The following AMER3 variants were observed in gnomAD, a reference collection of about 807,000 sequenced individuals.
AMER3 encodes APC membrane recruitment protein 3.
For missense variants in AMER3, 1,201 were observed against 1,139.4 expected (o/e 1.05, Z -0.78); for synonymous variants, 541 against 485.5 (o/e 1.11, Z -1.50).
At position 130,764,385 on chromosome 2, in the gene AMER3, G is replaced by A. The variant is rs1351698655; in HGVS notation, c.2313G>A (p.Glu771=). 2.5e-6 allele frequency: 4 copies of A among 1,612,838 alleles called. No individual in the cohort carries two copies. In the South Asian group the frequency reaches 3.3e-5, roughly 13 times the overall value. ...GLGVQAWASV[E]DQPLQLSTEA... ...GTGTCCAGGCCTGGGCCTCTGTGGA[G>A]GACCAGCCCTTGCAGCTCAGCACAG... Residue 771 remains glutamate (E), a synonymous_variant, in exon 2 of 2, where the codon GAG becomes GAA. Transcript: ENST00000321420.
rs1420290236 is a variant in AMER3, at chr2:130,766,175, G to A, written c.*1517G>A. ...GTTGGGGACCAGTGTTTGGGATTAT[G>A]TCTTTTAGAATAATGATCCAAACTT... is the stretch of plus-strand genomic sequence containing the variant. On this transcript the variant is annotated 3_prime_UTR_variant, in exon 2 of 2. Transcript: ENST00000321420. 6.0e-6 allele frequency: 1 copy of A among 166,902 alleles called. No individual in the cohort carries two copies. Among genetic ancestry groups the A allele is most frequent in the Admixed American group, 6.5e-5 (1 of 15,284 alleles). 10.3% of individuals were successfully genotyped at this position (166,902 alleles called of 1,614,324 possible).
chr2:130,765,436 G>C lies in AMER3; in HGVS notation c.*778G>C, dbSNP rs1678956535. On this transcript the variant is annotated 3_prime_UTR_variant, in exon 2 of 2. Transcript: ENST00000321420. ...TCATGACCAACAACCTAAGTCTTTT[G>C]ACGAAGTCAATCTATGATGCGTCAC... 1 of 166,964 alleles carries C rather than the reference G, an allele frequency of 6.0e-6. No homozygotes were observed. The highest frequency in any genetic ancestry group is 2.1e-4 in the South Asian group (1 of 4,836). 10.3% of individuals were successfully genotyped at this position (166,964 alleles called of 1,614,324 possible).
Position 130,764,195 on chromosome 2 carries a change from A to C in AMER3, c.2123A>C (p.Gln708Pro), listed in dbSNP as rs1678911161. 6.2e-7 allele frequency: 1 copy of C among 1,607,544 alleles called. No homozygotes were observed. The highest frequency in any genetic ancestry group is 1.7e-5 in the Admixed American group (1 of 59,452). Residue 708 changes from glutamine to proline, a missense_variant, in exon 2 of 2, where the codon CAG becomes CCG. Transcript: ENST00000321420. ...RQDMGSGLFG[Q>P]RWARGPDMLE... The stretch of plus-strand genomic sequence containing the variant: ...GACATGGGCAGTGGGCTCTTTGGGC[A>C]GCGCTGGGCCAGGGGCCCTGACATG...
chr2:130,763,121 T>G lies in AMER3; in HGVS notation c.1049T>G (p.Leu350Arg). Reference sequence around the variant, plus strand: ...CTGGACACAGCTGGGCTCGCTGAGCTGCCCCTCTGCCCCTGCAGGGACCCT... The same window carrying G: ...CTGGACACAGCTGGGCTCGCTGAGCGGCCCCTCTGCCCCTGCAGGGACCCT... Reference protein sequence around the residue: ...SRLDTAGLAELPLCPCRDPRS... With the variant: ...SRLDTAGLAERPLCPCRDPRS... The change falls in exon 2 of 2, where the codon CTG (leucine) becomes CGG (arginine). Residue 350 changes from leucine (L) to arginine (R), a missense_variant. By Grantham distance (102) the Leu-to-Arg change is moderately radical. Transcript: ENST00000321420. 6.2e-7 allele frequency: 1 copy of G among 1,612,946 alleles called. No homozygotes were observed. Among genetic ancestry groups the G allele is most frequent in the Middle Eastern group, 1.6e-4 (1 of 6,062 alleles).
At position 130,762,966 on chromosome 2, in the gene AMER3, C is replaced by A. The variant is rs140458255; in HGVS notation, c.894C>A (p.Pro298=). ...GCAGTGTGGAGCAGCTGGCCTCGCC[C>A]GCCCAGAATGAAGCCTCTGACTTCA... ...LQGSVEQLAS[P]AQNEASDFTR... is the part of the protein sequence containing the mutation. Residue 298 remains proline (P), a synonymous_variant, in exon 2 of 2, where the codon CCC becomes CCA. Coordinates refer to ENST00000321420, the MANE Select transcript of AMER3 (RefSeq NM_152698.3). 1.2e-6 allele frequency: 2 copies of A among 1,613,036 alleles called. No individual in the cohort carries two copies. The highest frequency in any genetic ancestry group is 1.7e-6 in the Non-Finnish European group (2 of 1,179,952).
chr2:130,765,333 G>C lies in AMER3; in HGVS notation c.*675G>C, dbSNP rs1176645549. 4 of 166,946 alleles carry C rather than the reference G, an allele frequency of 2.4e-5. No individual in the cohort carries two copies. The highest frequency in any genetic ancestry group is 5.9e-5 in the Non-Finnish European group (4 of 68,134). 10.3% of individuals were successfully genotyped at this position (166,946 alleles called of 1,614,324 possible). On this transcript the variant is annotated 3_prime_UTR_variant, in exon 2 of 2. Transcript: ENST00000321420. The stretch of plus-strand genomic sequence containing the variant: ...GACAAACTATATTCATGAAGAAATA[G>C]GTCAAAATGGGAAATGTATACATGC...
rs1215945928 is a variant in AMER3 at position 130,763,374 on chromosome 2, T to C, written c.1302T>C (p.Leu434=). 9 of 1,613,162 alleles carry C rather than the reference T, an allele frequency of 5.6e-6. No individual in the cohort carries two copies. Among genetic ancestry groups the C allele is most frequent in the Non-Finnish European group, 7.6e-6 (9 of 1,179,992 alleles). ...ELFHDPSEGP[L]GPSPDDDLCV... ...TCCACGACCCCAGCGAGGGTCCTCTTGGCCCCAGCCCAGATGATGACCTGT... is the reference window on the plus strand; with the variant it reads ...TCCACGACCCCAGCGAGGGTCCTCTCGGCCCCAGCCCAGATGATGACCTGT... Residue 434 remains leucine, a synonymous_variant, in exon 2 of 2, where the codon CTT becomes CTC. Coordinates refer to ENST00000321420, the MANE Select transcript of AMER3 (RefSeq NM_152698.3).
rs1365803651 is a variant in AMER3 at position 130,762,497 on chromosome 2, T to C, written c.425T>C (p.Val142Ala). The C allele has an allele frequency of 2.5e-6, 4 of 1,613,180 alleles. No individual in the cohort carries two copies. The highest frequency in any genetic ancestry group is 3.4e-6 in the Non-Finnish European group (4 of 1,180,006). ...FVPQMPFVPA[V>A]AKSIPRKRIS... ...CCCCAGATGCCCTTTGTGCCAGCTG[T>C]GGCCAAGAGCATCCCGAGGAAGAGG... Residue 142 changes from valine to alanine, a missense_variant, in exon 2 of 2, where the codon GTG becomes GCG. Val to Ala is a moderately conservative substitution (Grantham distance 64). Transcript: ENST00000321420.
In AMER3 at chr2:130,767,456, G is replaced by C. The variant is rs1387661966; in HGVS notation, c.*2798G>C. Reference sequence around the variant, plus strand: ...AGAAGGCAGCACAGGATCTGTAGCTGAGGGTGGCCCTCCCACCAGGGGACG... The same window carrying C: ...AGAAGGCAGCACAGGATCTGTAGCTCAGGGTGGCCCTCCCACCAGGGGACG... On this transcript the variant is annotated 3_prime_UTR_variant, in exon 2 of 2. Coordinates refer to ENST00000321420, the MANE Select transcript of AMER3 (RefSeq NM_152698.3). The C allele has an allele frequency of 6.0e-6, 1 of 166,706 alleles. No homozygotes were observed. Among genetic ancestry groups the C allele is most frequent in the Non-Finnish European group, 1.5e-5 (1 of 68,146 alleles). 10.3% of individuals were successfully genotyped at this position (166,706 alleles called of 1,614,324 possible).
intron 1 of AMER3, among the ~76,000 whole-genome samples, chr2:130,756,931 C>T (rs1678629495): frequency 6.6e-6 from 1 of 152,096 alleles, no homozygotes; most frequent in Non-Finnish European, 1.5e-5. Context: ...CTACCGCCAG[C>T]CCAGTTTCCA....
At position 130,762,166 on chromosome 2, in the gene AMER3, G is replaced by T; in HGVS notation, c.94G>T (p.Glu32Ter). 6.2e-7 allele frequency: 1 copy of T among 1,604,864 alleles called. No homozygotes were observed. Residue 32 changes from glutamate to a stop codon, truncating the protein, a stop_gained, in exon 2 of 2, where the codon GAG (glutamate) becomes TAG (stop). Transcript: ENST00000321420. LOFTEE classifies it low-confidence loss of function (END_TRUNC). ...PDPAAVAAAR[E>*]GTGPWSVLPG... is the part of the protein sequence containing the mutation. Reference sequence around the variant, plus strand: ...CCCAGCAGCCGTGGCTGCAGCCAGGGAGGGGACAGGCCCCTGGTCAGTCCT... The same window carrying T: ...CCCAGCAGCCGTGGCTGCAGCCAGGTAGGGGACAGGCCCCTGGTCAGTCCT...
chr2:130,764,147 C>T lies in AMER3; in HGVS notation c.2075C>T (p.Pro692Leu), dbSNP rs141716978. 5.0e-6 allele frequency: 8 copies of T among 1,610,290 alleles called. No individual in the cohort carries two copies. The highest frequency in any genetic ancestry group is 6.8e-6 in the Non-Finnish European group (8 of 1,178,314). Residue 692 changes from proline (P) to leucine (L), a missense_variant, in exon 2 of 2, where the codon CCG (proline) becomes CTG (leucine). By Grantham distance (98) the Pro-to-Leu change is moderately conservative. Coordinates refer to ENST00000321420, the MANE Select transcript of AMER3 (RefSeq NM_152698.3). Reference sequence around the variant, plus strand: ...AAGATCAGCTCAAACGAACAGCCCCCGGCCGCATGGCCTCCAAGGCAAGAC... The same window carrying T: ...AAGATCAGCTCAAACGAACAGCCCCTGGCCGCATGGCCTCCAAGGCAAGAC... ...ALKISSNEQP[P>L]AAWPPRQDMG... is the part of the protein sequence containing the mutation.
Position 130,760,223 on chromosome 2 carries a change from C to G in AMER3, c.-19-1831C>G, listed in dbSNP as rs1208578686. 3.3e-5 allele frequency among the ~76,000 whole-genome samples: 5 copies of G among 152,324 alleles called. No homozygotes were observed. The East Asian group carries it at 9.7e-4, about 29-fold the overall frequency. On this transcript the variant is annotated intron_variant, in intron 1 of 1. Transcript: ENST00000321420. ...GGCATGGTGCCTACTTCTTCTCATC[C>G]TCCAACCAAAAGTCTGAGGTGCTTC...
In AMER3 at chr2:130,762,172, A is replaced by G; in HGVS notation, c.100A>G (p.Thr34Ala). 1.2e-6 allele frequency: 2 copies of G among 1,603,302 alleles called. No homozygotes were observed. The highest frequency in any genetic ancestry group is 8.5e-7 in the Non-Finnish European group (1 of 1,175,140). Residue 34 changes from threonine to alanine, a missense_variant, in exon 2 of 2, where the codon ACA (threonine) becomes GCA (alanine). Thr to Ala is a moderately conservative substitution (Grantham distance 58, BLOSUM62 0). Transcript: ENST00000321420. The stretch of plus-strand genomic sequence containing the variant: ...AGCCGTGGCTGCAGCCAGGGAGGGG[A>G]CAGGCCCCTGGTCAGTCCTTCCAGG... ...PAAVAAAREG[T>A]GPWSVLPGGQ...
chr2:130,757,620 G>A (rs1046068589), intron 1 of AMER3, among the ~76,000 whole-genome samples: 3 of 152,206 alleles, frequency 2.0e-5, no homozygotes, highest in African/African-American at 7.2e-5. Context: ...GCTCCTCGGG[G>A]CCTTTCTGAA....
At position 130,765,124 on chromosome 2, in the gene AMER3, T is replaced by C. The variant is rs1168582682; in HGVS notation, c.*466T>C. 1.2e-5 allele frequency: 2 copies of C among 168,176 alleles called. No homozygotes were observed. The allele number at this position is 168,176 out of a possible 1,614,324, so 10.4% of individuals were successfully genotyped here. A position where few individuals can be genotyped will look rare whatever the true frequency, so the allele number is the denominator to read the frequency against. ...CCAAAAGATCTAAATCCTGGAAATA[T>C]AATTCTGGGAAAATTTTTTTTTAAT... On this transcript the variant is annotated 3_prime_UTR_variant, in exon 2 of 2. Transcript: ENST00000321420.
rs187906804 is a variant in AMER3 at position 130,763,740 on chromosome 2, G to T, written c.1668G>T (p.Gly556=). Residue 556 remains glycine (G), a synonymous_variant, in exon 2 of 2, where the codon GGG becomes GGT. Transcript: ENST00000321420. The stretch of plus-strand genomic sequence containing the variant: ...AGGGCCTGGCCTCAGATGCAGGGGG[G>T]GCGACAGTTTGCTCAGCACCCAGCA... The part of the protein sequence containing the change: ...GREGLASDAG[G]ATVCSAPSRQ... The T allele has an allele frequency of 8.6e-4, 1,369 of 1,585,344 alleles. 21 individuals carry two copies. In the East Asian group the frequency reaches 0.028, roughly 33 times the overall value.
At chr2:130,761,879 G>A (rs776899362) in intron 1 of AMER3, among the ~76,000 whole-genome samples, 175 bp from the exon 2 acceptor site, 13 of 152,176 alleles carry the variant, frequency 8.5e-5, no homozygotes, top group African/African-American at 1.4e-4. Context: ...TCTCATTTTG[G>A]CTCCTACTGT....
At chr2:130,756,123 C>T (rs1347113267) in intron 1 of AMER3, among the ~76,000 whole-genome samples, 3 of 149,106 alleles carry the variant, frequency 2.0e-5, no homozygotes, top group Non-Finnish European at 4.5e-5. Context: ...GCCCCCACCG[C>T]GGCCGGCGCG....
Sources: gnomAD v4.1 joint callset for allele counts (sites outside exome capture counted in the v4.1 genomes callset) on GRCh38, gnomAD v4.1.1 for gene constraint, MANE v1.5 for transcripts, NCBI Gene and HGNC (gene_info 2026-07-23, HGNC 2026-07-21) for gene names.